Variants in ADAM12 observed in about 807,000 individuals in gnomAD.
ADAM12 encodes disintegrin and metalloproteinase domain-containing protein 12.
In ADAM12, 70 loss-of-function variants were observed where a neutral mutation model predicts 106.4. The ratio of observed to expected loss-of-function variants is 0.66; its 90% CI spans 0.54 to 0.80. The LOEUF (loss-of-function observed/expected upper bound fraction) is 0.80, where lower values mean the gene tolerates loss of function less well. Among genes scored for constraint, ADAM12 ranks in the 30% least tolerant of loss-of-function variants. The probability of loss-of-function intolerance (pLI) is 0.00; values close to 1 mark genes in which losing one functional copy is unlikely to be tolerated. For missense variants in ADAM12, 1,010 were observed against 1,171.9 expected (o/e 0.86, Z 2.02); for synonymous variants, 420 against 433.5 (o/e 0.97, Z 0.39).
At chr10:126,214,471 AAGCAGT>A (rs1288084052) in intron 3 of ADAM12, among the ~76,000 whole-genome samples, 13 of 152,184 alleles carry the variant, frequency 8.5e-5, no homozygotes, top group African/African-American at 3.1e-4. Flanking sequence ...CCATCATTAT[AAGCAGT>A]AGCAGAACAC....
chr10:126,341,195 A>C (rs538734294), intron 1 of ADAM12, among the ~76,000 whole-genome samples: 2 of 152,202 alleles, frequency 1.3e-5, no homozygotes, highest in Admixed American at 6.5e-5. Flanking sequence ...TATCCCGCCT[A>C]CAGCCACTAT....
chr10:126,031,472 T>C (rs1293208680), intron 21 of ADAM12, among the ~76,000 whole-genome samples: 2 of 152,232 alleles, frequency 1.3e-5, no homozygotes, highest in African/African-American at 4.8e-5. Context: ...CTGACTGATC[T>C]ACAATCGTGG....
At chr10:126,260,932 C>A (rs1365927432) in intron 3 of ADAM12, among the ~76,000 whole-genome samples, 2 of 151,916 alleles carry the variant, frequency 1.3e-5, no homozygotes, top group Non-Finnish European at 2.9e-5. Flanking sequence ...CAGTTTCAAC[C>A]AATTGCAGAT....
chr10:126,042,950 G>T, intron 18 of ADAM12, 90 bp downstream of exon 18: 3 of 1,292,372 alleles, frequency 2.3e-6, no homozygotes, highest in Non-Finnish European at 3.2e-6. Context: ...TTTCTTGTTG[G>T]CTCTACCTGC....
chr10:126,029,254 C>G (rs1049766187), intron 21 of ADAM12, among the ~76,000 whole-genome samples: 4 of 152,060 alleles, frequency 2.6e-5, no homozygotes, highest in African/African-American at 9.7e-5. Flanking sequence ...GGTATATACC[C>G]AAAGGAATAG....
chr10:126,203,784 T>G (rs1170990513), intron 3 of ADAM12, among the ~76,000 whole-genome samples: 1 of 152,232 alleles, frequency 6.6e-6, no homozygotes, highest in Non-Finnish European at 1.5e-5. Context: ...TTGGGCAATG[T>G]GAGAGTGTGA....
chr10:126,247,023 A>G (rs1039031811), intron 3 of ADAM12, among the ~76,000 whole-genome samples: 4 of 152,232 alleles, frequency 2.6e-5, no homozygotes, highest in African/African-American at 9.6e-5. Context: ...TTAAACTTTT[A>G]TTTCTCTAAA....
chr10:126,101,019 C>T (rs1955653631), intron 9 of ADAM12, 53 bp downstream of exon 9: 2 of 1,594,514 alleles, frequency 1.3e-6, no homozygotes, highest in Non-Finnish European at 1.7e-6. Flanking sequence ...AAACGAAGGG[C>T]TTCGCCGAGA....
chr10:126,182,715 G>A (rs925685686), intron 3 of ADAM12, among the ~76,000 whole-genome samples: 7 of 152,246 alleles, frequency 4.6e-5, no homozygotes, highest in Non-Finnish European at 7.3e-5. Flanking sequence ...CGTGAGGTCA[G>A]TGGAGGTGGG....
chr10:126,260,325 A>C (rs953986671), intron 3 of ADAM12, among the ~76,000 whole-genome samples: 7 of 152,192 alleles, frequency 4.6e-5, no homozygotes, highest in African/African-American at 1.7e-4. Context: ...GGATTCTCAT[A>C]AATCAAAAGT....
intron 2 of ADAM12, among the ~76,000 whole-genome samples, chr10:126,325,080 G>A (rs1403028539): frequency 6.6e-6 from 1 of 151,946 alleles, no homozygotes; most frequent in East Asian, 1.9e-4. Context: ...GAAACTCAGA[G>A]GACACCAAGA....
chr10:126,033,252 AT>A (rs898746282), intron 21 of ADAM12, among the ~76,000 whole-genome samples: 1 of 151,826 alleles, frequency 6.6e-6, no homozygotes, highest in African/African-American at 2.4e-5. Context: ...GTAAATCAGA[AT>A]TTTTTTTTAA....
At chr10:126,276,850 T>C (rs1234164794) in intron 3 of ADAM12, among the ~76,000 whole-genome samples, 1 of 152,216 alleles carries the variant, frequency 6.6e-6, no homozygotes, top group African/African-American at 2.4e-5. Context: ...TTTAAAACGA[T>C]ATTTATACAA....
Position 126,049,939 on chromosome 10 carries a change from G to C in ADAM12, c.1610-270C>G, listed in dbSNP as rs1954434285. On this transcript the variant is annotated intron_variant, in intron 14 of 22. Coordinates refer to ENST00000448723, the MANE Select transcript of ADAM12 (RefSeq NM_001288973.2). This position sits in a 1 kb window ranked among gnomAD's most constrained non-coding sequence, Gnocchi z 4.4. ...GCTTGTGGCATGTGTGGCCTCTCAG[G>C]AAATGAGGCCTGGCTGTGGAATGAG... Among the ~76,000 whole-genome samples the C allele has an allele frequency of 6.7e-6, 1 of 150,258 alleles. No individual in the cohort carries two copies. Among genetic ancestry groups the C allele is most frequent in the South Asian group, 2.1e-4 (1 of 4,696 alleles).
At chr10:126,018,227 T>A (rs1345765249) in intron 22 of ADAM12, among the ~76,000 whole-genome samples, 1 of 152,192 alleles carries the variant, frequency 6.6e-6, no homozygotes, top group Non-Finnish European at 1.5e-5. Flanking sequence ...ACACAGTACC[T>A]TTGGTTCTTT....
intron 3 of ADAM12, among the ~76,000 whole-genome samples, chr10:126,182,118 G>A (rs1439776749): frequency 6.6e-6 from 1 of 152,234 alleles, no homozygotes; most frequent in Non-Finnish European, 1.5e-5. Flanking sequence ...GGCACGCCAG[G>A]TAACAGCGGC....
intron 5 of ADAM12, among the ~76,000 whole-genome samples, chr10:126,121,640 G>T (rs1956118167): frequency 6.6e-6 from 1 of 150,872 alleles, no homozygotes; most frequent in Admixed American, 6.7e-5. Flanking sequence ...TGGTCAAGTT[G>T]CAAACTCCAT....
At chr10:126,036,990 T>C (rs1954071735) in intron 20 of ADAM12, among the ~76,000 whole-genome samples, 1 of 152,194 alleles carries the variant, frequency 6.6e-6, no homozygotes. Context: ...AATGAATGCA[T>C]CCATCACCCC....
chr10:126,225,397 C>T (rs1006160698), intron 3 of ADAM12, among the ~76,000 whole-genome samples: 5 of 151,958 alleles, frequency 3.3e-5, no homozygotes, highest in Admixed American at 6.6e-5. Flanking sequence ...CCCATTTTGC[C>T]GGTGAGGAAA....
Sources: allele counts gnomAD v4.1 joint callset (sites outside exome capture counted in the v4.1 genomes callset), GRCh38; gene constraint gnomAD v4.1.1; non-coding constraint Gnocchi (gnomAD v3.1); transcripts MANE v1.5; gene names NCBI Gene and HGNC (gene_info 2026-07-23, HGNC 2026-07-21).